Variants in HLA-E observed in about 807,000 individuals in gnomAD.
The protein encoded by HLA-E is major histocompatibility complex, class I, E.
In HLA-E, 25 loss-of-function variants were observed where a neutral mutation model predicts 43.4. The ratio of observed to expected loss-of-function variants is 0.58; its 90% CI spans 0.42 to 0.80. The LOEUF (loss-of-function observed/expected upper bound fraction) is 0.80. Ranked by LOEUF, HLA-E falls within the 30% of genes least tolerant of loss-of-function variation. The probability of loss-of-function intolerance (pLI) is 0.00; values close to 1 mark genes in which losing one functional copy is unlikely to be tolerated. For missense variants in HLA-E, 343 were observed against 470.0 expected, an observed-to-expected ratio of 0.73 and a Z score of 2.50; for synonymous variants, 161 against 197.6, an observed-to-expected ratio of 0.81 and a Z score of 1.55.
At position 30,493,547 on chromosome 6, in the gene HLA-E, G is replaced by A. The variant is rs1332128083; in HGVS notation, c.*801G>A. On this transcript the variant is annotated 3_prime_UTR_variant, in exon 8 of 8. Coordinates refer to ENST00000376630, the MANE Select transcript of HLA-E (RefSeq NM_005516.6). This position sits in a 1 kb window ranked among gnomAD's most constrained non-coding sequence, Gnocchi z 5.5. ...TTTGAATGTTCCCTCCAACACTCAT[G>A]TTGAGACTTAATCCCTAATGTGGCA... 6.6e-6 allele frequency: 1 copy of A among 152,242 alleles called. No individual in the cohort carries two copies. The highest frequency in any genetic ancestry group is 1.5e-5 in the Non-Finnish European group (1 of 68,058). 9.4% of individuals were successfully genotyped at this position (152,242 alleles called of 1,614,324 possible). A position where few individuals can be genotyped will look rare whatever the true frequency, so the allele number is the denominator to read the frequency against.
rs746471213 is a variant in HLA-E at position 30,492,376 on chromosome 6, C to T, written c.1004-28C>T. On this transcript the variant is annotated intron_variant, in intron 5 of 7. Coordinates refer to ENST00000376630, the MANE Select transcript of HLA-E (RefSeq NM_005516.6). The surrounding 1 kb of genome is among the most constrained non-coding windows in gnomAD (Gnocchi z 4.5). Reference sequence around the variant, plus strand: ...CCTTATGGCCCTGCCTCCTCCCTGGCCCCTCACAGGACATTTTCTTCCAAC... The same window carrying T: ...CCTTATGGCCCTGCCTCCTCCCTGGTCCCTCACAGGACATTTTCTTCCAAC... The T allele has an allele frequency of 6.2e-7, 1 of 1,613,684 alleles. No homozygotes were observed. The highest frequency in any genetic ancestry group is 1.1e-5 in the South Asian group (1 of 91,070).
At position 30,489,687 on chromosome 6, in the gene HLA-E, A is replaced by T. The variant is rs757747376; in HGVS notation, c.65-39A>T. ...GAAGGACTCGGGGAGCCGCGCCGGGAGGAGGGTCGGGCCGATCTCAGCCCC... is the reference window on the plus strand; with the variant it reads ...GAAGGACTCGGGGAGCCGCGCCGGGTGGAGGGTCGGGCCGATCTCAGCCCC... On this transcript the variant is annotated intron_variant, in intron 1 of 7. Transcript: ENST00000376630. This position sits in a 1 kb window ranked among gnomAD's most constrained non-coding sequence, Gnocchi z 5.6. The T allele has an allele frequency of 1.9e-6, 3 of 1,611,054 alleles. No homozygotes were observed. The highest frequency in any genetic ancestry group is 2.5e-6 in the Non-Finnish European group (3 of 1,179,072).
Position 30,492,679 on chromosome 6 carries a change from G to A in HLA-E, c.*3-70G>A. On this transcript the variant is annotated intron_variant, in intron 7 of 7. Transcript: ENST00000376630. The surrounding 1 kb of genome is among the most constrained non-coding windows in gnomAD (Gnocchi z 4.5). Reference sequence around the variant, plus strand: ...TTGATTCAGAATTTTTGAGTGTGTGGTGGGCTGTTCAGAGTGTCATCACTT... The same window carrying A: ...TTGATTCAGAATTTTTGAGTGTGTGATGGGCTGTTCAGAGTGTCATCACTT... The A allele has an allele frequency of 1.2e-5, 15 of 1,253,184 alleles. No individual in the cohort carries two copies. Among genetic ancestry groups the A allele is most frequent in the Non-Finnish European group, 1.6e-5 (14 of 870,410 alleles). The allele number at this position is 1,253,184 out of a possible 1,614,324, so 77.6% of individuals were successfully genotyped here. A position where few individuals can be genotyped will look rare whatever the true frequency, so the allele number is the denominator to read the frequency against.
In HLA-E at chr6:30,489,914, A is replaced by G; in HGVS notation, c.253A>G (p.Thr85Ala). The G allele has an allele frequency of 6.2e-7, 1 of 1,612,850 alleles. No individual in the cohort carries two copies. Among genetic ancestry groups the G allele is most frequent in the Non-Finnish European group, 8.5e-7 (1 of 1,179,966 alleles). The change falls in exon 2 of 8, where the codon ACA becomes GCA. Residue 85 changes from threonine (T) to alanine (A), a missense_variant. Physicochemically the swap from Thr to Ala is moderately conservative, Grantham distance 58 (BLOSUM62 0). This residue lies in a region of HLA-E where 94 missense variants were observed against 144.4 expected (regional missense o/e 0.65). Transcript: ENST00000376630. This position sits in a 1 kb window ranked among gnomAD's most constrained non-coding sequence, Gnocchi z 5.6. ...QEGSEYWDRE[T>A]RSARDTAQIF... ...GGGGTCAGAGTATTGGGACCGGGAG[A>G]CACGGAGCGCCAGGGACACCGCACA...
Position 30,490,163 on chromosome 6 carries a change from T to A in HLA-E, c.335-77T>A. The A allele has an allele frequency of 6.4e-7, 1 of 1,560,838 alleles. No individual in the cohort carries two copies. The highest frequency in any genetic ancestry group is 1.2e-5 in the South Asian group (1 of 85,256). ...CGCCTTTACCCGGTTCTTTTTCAGT[T>A]TAGGCCAAAATGCCCACAGGGTGGT... On this transcript the variant is annotated intron_variant, in intron 2 of 7. Coordinates refer to ENST00000376630, the MANE Select transcript of HLA-E (RefSeq NM_005516.6). The surrounding 1 kb of genome is among the most constrained non-coding windows in gnomAD (Gnocchi z 6.6).
In HLA-E at chr6:30,491,375, G is replaced by A; in HGVS notation, c.849G>A (p.Gln283=). 1 of 1,614,220 alleles carries A rather than the reference G, an allele frequency of 6.2e-7. No homozygotes were observed. Among genetic ancestry groups the A allele is most frequent in the Non-Finnish European group, 8.5e-7 (1 of 1,180,042 alleles). ...AGCAGAGATACACGTGCCATGTGCA[G>A]CATGAGGGGCTACCCGAGCCCGTCA... ...GEEQRYTCHV[Q]HEGLPEPVTL... is the part of the protein sequence containing the mutation. Residue 283 remains glutamine (Q), a synonymous_variant, in exon 4 of 8, where the codon CAG becomes CAA. Coordinates refer to ENST00000376630, the MANE Select transcript of HLA-E (RefSeq NM_005516.6). The surrounding 1 kb of genome is among the most constrained non-coding windows in gnomAD (Gnocchi z 5.4).
At position 30,492,673 on chromosome 6, in the gene HLA-E, T is replaced by C; in HGVS notation, c.*3-76T>C. 6 of 1,307,184 alleles carry C rather than the reference T, an allele frequency of 4.6e-6. No individual in the cohort carries two copies. The East Asian group carries it at 1.2e-4, about 25-fold the overall frequency. 81.0% of individuals were successfully genotyped at this position (1,307,184 alleles called of 1,614,324 possible). ...GATTTTTTGATTCAGAATTTTTGAG[T>C]GTGTGGTGGGCTGTTCAGAGTGTCA... On this transcript the variant is annotated intron_variant, in intron 7 of 7. Coordinates refer to ENST00000376630, the MANE Select transcript of HLA-E (RefSeq NM_005516.6). This position sits in a 1 kb window ranked among gnomAD's most constrained non-coding sequence, Gnocchi z 4.5.
At position 30,492,480 on chromosome 6, in the gene HLA-E, A is replaced by G. The variant is rs758282461; in HGVS notation, c.1036+44A>G. ...CGTGGAGGAGCTCGCCCACCCTATA[A>G]TTCCTCCTGCACCACATCTCCTGTG... is the stretch of plus-strand genomic sequence containing the variant. On this transcript the variant is annotated intron_variant, in intron 6 of 7. Transcript: ENST00000376630. This position sits in a 1 kb window ranked among gnomAD's most constrained non-coding sequence, Gnocchi z 4.5. 6.2e-7 allele frequency: 1 copy of G among 1,613,900 alleles called. No homozygotes were observed. The highest frequency in any genetic ancestry group is 1.1e-5 in the South Asian group (1 of 91,058).
In HLA-E at chr6:30,492,572, C is replaced by T; in HGVS notation, c.1068C>T (p.His356=). ...ACAGTGCCCAGGGGTCTGAGTCTCACAGCTTGTAAAGGTGAGATTCTGGGG... is the reference window on the plus strand; with the variant it reads ...ACAGTGCCCAGGGGTCTGAGTCTCATAGCTTGTAAAGGTGAGATTCTGGGG... ...WSDSAQGSES[H]SL is the part of the protein sequence containing the mutation. The change falls in exon 7 of 8, where the codon CAC becomes CAT. Residue 356 remains histidine, a synonymous_variant. Coordinates refer to ENST00000376630, the MANE Select transcript of HLA-E (RefSeq NM_005516.6). The surrounding 1 kb of genome is among the most constrained non-coding windows in gnomAD (Gnocchi z 4.5). The T allele has an allele frequency of 6.2e-7, 1 of 1,614,026 alleles. No individual in the cohort carries two copies. The highest frequency in any genetic ancestry group is 8.5e-7 in the Non-Finnish European group (1 of 1,179,992).
In HLA-E at chr6:30,493,036, G is replaced by A. The variant is rs529211551; in HGVS notation, c.*290G>A. 1.9e-4 allele frequency: 33 copies of A among 175,796 alleles called. No homozygotes were observed. Among genetic ancestry groups the A allele is most frequent in the Non-Finnish European group, 2.9e-4 (24 of 83,954 alleles). The allele number at this position is 175,796 out of a possible 1,614,324, so 10.9% of individuals were successfully genotyped here. On this transcript the variant is annotated 3_prime_UTR_variant, in exon 8 of 8. Transcript: ENST00000376630. The surrounding 1 kb of genome is among the most constrained non-coding windows in gnomAD (Gnocchi z 5.5). ...GGGCAGAGTGCGGCAGCTCATGCCTGTAATCCCAGCACTTAGGGAGGCCGA... is the reference window on the plus strand; with the variant it reads ...GGGCAGAGTGCGGCAGCTCATGCCTATAATCCCAGCACTTAGGGAGGCCGA...
In HLA-E at chr6:30,491,331, G is replaced by C. The variant is rs1338142002; in HGVS notation, c.805G>C (p.Val269Leu). Residue 269 changes from valine (V) to leucine (L), a missense_variant, in exon 4 of 8, where the codon GTG becomes CTG. Around this residue, in one of 3 missense-constraint regions of HLA-E, gnomAD observed 190 missense variants for 283.6 expected, o/e 0.67. Coordinates refer to ENST00000376630, the MANE Select transcript of HLA-E (RefSeq NM_005516.6). The surrounding 1 kb of genome is among the most constrained non-coding windows in gnomAD (Gnocchi z 5.4). Reference sequence around the variant, plus strand: ...AACCTTCCAGAAGTGGGCAGCTGTGGTGGTGCCTTCTGGAGAGGAGCAGAG... The same window carrying C: ...AACCTTCCAGAAGTGGGCAGCTGTGCTGGTGCCTTCTGGAGAGGAGCAGAG... The part of the protein sequence containing the change: ...DGTFQKWAAV[V>L]VPSGEEQRYT... The C allele has an allele frequency of 6.2e-7, 1 of 1,614,228 alleles. No individual in the cohort carries two copies. Among genetic ancestry groups the C allele is most frequent in the East Asian group, 2.2e-5 (1 of 44,884 alleles).
In HLA-E at chr6:30,493,057, G is replaced by T; in HGVS notation, c.*311G>T. ...GCCTGTAATCCCAGCACTTAGGGAG[G>T]CCGAGGAGGGCAGATCACGAGGTCA... On this transcript the variant is annotated 3_prime_UTR_variant, in exon 8 of 8. Transcript: ENST00000376630. This position sits in a 1 kb window ranked among gnomAD's most constrained non-coding sequence, Gnocchi z 5.5. 6.1e-6 allele frequency: 1 copy of T among 163,820 alleles called. No homozygotes were observed. Among genetic ancestry groups the T allele is most frequent in the Non-Finnish European group, 1.3e-5 (1 of 75,688 alleles). 10.1% of individuals were successfully genotyped at this position (163,820 alleles called of 1,614,324 possible).
Position 30,492,381 on chromosome 6 carries a change from C to T in HLA-E, c.1004-23C>T. 1 of 1,614,066 alleles carries T rather than the reference C, an allele frequency of 6.2e-7. No individual in the cohort carries two copies. The highest frequency in any genetic ancestry group is 8.5e-7 in the Non-Finnish European group (1 of 1,179,938). On this transcript the variant is annotated intron_variant, in intron 5 of 7. Coordinates refer to ENST00000376630, the MANE Select transcript of HLA-E (RefSeq NM_005516.6). This position sits in a 1 kb window ranked among gnomAD's most constrained non-coding sequence, Gnocchi z 4.5. ...TGGCCCTGCCTCCTCCCTGGCCCCT[C>T]ACAGGACATTTTCTTCCAACAGGTG... is the stretch of plus-strand genomic sequence containing the variant.
chr6:30,492,578 G>A lies in HLA-E; in HGVS notation c.1074G>A (p.Leu358=), dbSNP rs1473611899. The A allele has an allele frequency of 1.2e-6, 2 of 1,613,990 alleles. No individual in the cohort carries two copies. The highest frequency in any genetic ancestry group is 1.1e-5 in the South Asian group (1 of 91,080). ...CCCAGGGGTCTGAGTCTCACAGCTT[G>A]TAAAGGTGAGATTCTGGGGGTCTGA... The part of the protein sequence containing the change: ...DSAQGSESHS[L] Residue 358 remains leucine, a synonymous_variant, in exon 7 of 8, where the codon TTG becomes TTA. Transcript: ENST00000376630. The surrounding 1 kb of genome is among the most constrained non-coding windows in gnomAD (Gnocchi z 4.5).
chr6:30,489,840 A>G lies in HLA-E; in HGVS notation c.179A>G (p.Asp60Gly). The change falls in exon 2 of 8, where the codon GAC becomes GGC. Residue 60 changes from aspartate (D) to glycine (G), a missense_variant. Asp to Gly is a moderately conservative substitution (Grantham distance 94). This residue lies in a region of HLA-E where 94 missense variants were observed against 144.4 expected (regional missense o/e 0.65). Coordinates refer to ENST00000376630, the MANE Select transcript of HLA-E (RefSeq NM_005516.6). This position sits in a 1 kb window ranked among gnomAD's most constrained non-coding sequence, Gnocchi z 5.6. ...ACCCAGTTCGTGCGCTTCGACAACG[A>G]CGCCGCGAGTCCGAGGATGGTGCCG... Reference protein sequence around the residue: ...DDTQFVRFDNDAASPRMVPRA... With the variant: ...DDTQFVRFDNGAASPRMVPRA... 1 of 1,612,974 alleles carries G rather than the reference A, an allele frequency of 6.2e-7. No homozygotes were observed. The highest frequency in any genetic ancestry group is 1.1e-5 in the South Asian group (1 of 91,074).
rs1796453135 is a variant in HLA-E at position 30,490,264 on chromosome 6, A to G, written c.359A>G (p.His120Arg). The G allele has an allele frequency of 1.2e-6, 2 of 1,612,932 alleles. No individual in the cohort carries two copies. The highest frequency in any genetic ancestry group is 1.7e-6 in the Non-Finnish European group (2 of 1,179,952). ...GGGTCTCACACCCTGCAGTGGATGC[A>G]TGGCTGCGAGCTGGGGCCCGACGGG... ...EAGSHTLQWM[H>R]GCELGPDGRF... The change falls in exon 3 of 8, where the codon CAT becomes CGT. Residue 120 changes from histidine (H) to arginine (R), a missense_variant. This residue lies in a region of HLA-E where 59 missense variants were observed against 42.0 expected (regional missense o/e 1.40). Coordinates refer to ENST00000376630, the MANE Select transcript of HLA-E (RefSeq NM_005516.6). The surrounding 1 kb of genome is among the most constrained non-coding windows in gnomAD (Gnocchi z 6.6).
Position 30,489,893 on chromosome 6 carries a change from T to G in HLA-E, c.232T>G (p.Ser78Ala), listed in dbSNP as rs774752159. ...GGCGCCGTGGATGGAGCAGGAGGGG[T>G]CAGAGTATTGGGACCGGGAGACACG... ...PRAPWMEQEG[S>A]EYWDRETRSA... The change falls in exon 2 of 8, where the codon TCA (serine) becomes GCA (alanine). Residue 78 changes from serine (S) to alanine (A), a missense_variant. This residue lies in a region of HLA-E where 94 missense variants were observed against 144.4 expected (regional missense o/e 0.65). Coordinates refer to ENST00000376630, the MANE Select transcript of HLA-E (RefSeq NM_005516.6). This position sits in a 1 kb window ranked among gnomAD's most constrained non-coding sequence, Gnocchi z 5.6. 30 of 1,608,810 alleles carry G rather than the reference T, an allele frequency of 1.9e-5. No individual in the cohort carries two copies. Among genetic ancestry groups the G allele is most frequent in the Non-Finnish European group, 2.3e-5 (27 of 1,179,166 alleles).
Position 30,491,130 on chromosome 6 carries a change from C to G in HLA-E, c.611-7C>G. The G allele has an allele frequency of 6.2e-7, 1 of 1,612,794 alleles. No homozygotes were observed. Among genetic ancestry groups the G allele is most frequent in the Non-Finnish European group, 8.5e-7 (1 of 1,179,322 alleles). On this transcript the variant is annotated splice_region_variant and splice_polypyrimidine_tract_variant and intron_variant, in intron 3 of 7. Transcript: ENST00000376630. This position sits in a 1 kb window ranked among gnomAD's most constrained non-coding sequence, Gnocchi z 5.4. ...AAGTGCCTGAATTTTCTGACTCTTC[C>G]CCTCAGAGCCCCCAAAGACACACGT...
rs1299682715 is a variant in HLA-E at position 30,490,146 on chromosome 6, C to A, written c.335-94C>A. ...CCGGGGAGAGTCTCAGGCGCCTTTA[C>A]CCGGTTCTTTTTCAGTTTAGGCCAA... On this transcript the variant is annotated intron_variant, in intron 2 of 7. Transcript: ENST00000376630. This position sits in a 1 kb window ranked among gnomAD's most constrained non-coding sequence, Gnocchi z 6.6. The A allele has an allele frequency of 1.3e-5, 20 of 1,534,806 alleles. No individual in the cohort carries two copies. Among genetic ancestry groups the A allele is most frequent in the Non-Finnish European group, 1.6e-5 (18 of 1,132,914 alleles).
Sources: allele counts gnomAD v4.1 joint callset, GRCh38; gene constraint gnomAD v4.1.1; regional missense constraint gnomAD v4.1.1; non-coding constraint Gnocchi (gnomAD v3.1); transcripts MANE v1.5; gene names NCBI Gene and HGNC (gene_info 2026-07-23, HGNC 2026-07-21).